PTGES: variants seen among roughly 807,000 people sequenced by gnomAD.
PTGES encodes the protein prostaglandin E synthase.
Under a neutral mutation model 11.8 loss-of-function variants are expected in PTGES, and 3 were observed. The observed-to-expected ratio is 0.25, with a 90% CI of 0.12 to 0.66. The LOEUF is 0.66. Among genes scored for constraint, PTGES ranks in the 30% least tolerant of loss-of-function variants. The pLI, the probability that PTGES is intolerant of heterozygous loss-of-function variation, is 0.82. For synonymous variants in PTGES, 94 were observed against 90.4 expected (o/e 1.04, Z -0.22); for missense variants, 180 against 213.0 (o/e 0.85, Z 0.96).
intron 2 of PTGES, among the ~76,000 whole-genome samples, chr9:129,747,883 G>A (rs1469061150): frequency 1.3e-5 from 2 of 151,686 alleles, no homozygotes; most frequent in Non-Finnish European, 2.9e-5. Flanking sequence ...GATGGTGCAC[G>A]CCTGTAGCCC....
chr9:129,739,185 AT>A lies in PTGES; in HGVS notation c.*425del. ...TTGCCTCTAGATTGGCTGGGCCAGA[AT>A]TTCTGGGGTCAGTCTGAAAAGTCTG... On this transcript the variant is annotated 3_prime_UTR_variant, in exon 3 of 3. Coordinates refer to ENST00000340607, the MANE Select transcript of PTGES (RefSeq NM_004878.5). The surrounding 1 kb of genome is among the most constrained non-coding windows in gnomAD (Gnocchi z 5.7). 6.0e-6 allele frequency: 1 copy of A among 165,386 alleles called. No individual in the cohort carries two copies. The highest frequency in any genetic ancestry group is 1.3e-5 in the Non-Finnish European group (1 of 76,382). The allele number at this position is 165,386 out of a possible 1,614,324, so 10.2% of individuals were successfully genotyped here.
Position 129,739,433 on chromosome 9 carries a change from TAC to T in PTGES, c.*176_*177del. 10 of 828,238 alleles carry T rather than the reference TAC, an allele frequency of 1.2e-5. No homozygotes were observed. Among genetic ancestry groups the T allele is most frequent in the South Asian group, 1.8e-5 (1 of 54,990 alleles). 51.3% of individuals were successfully genotyped at this position (828,238 alleles called of 1,614,324 possible). On this transcript the variant is annotated 3_prime_UTR_variant, in exon 3 of 3. Coordinates refer to ENST00000340607, the MANE Select transcript of PTGES (RefSeq NM_004878.5). The surrounding 1 kb of genome is among the most constrained non-coding windows in gnomAD (Gnocchi z 5.7). The stretch of plus-strand genomic sequence containing the variant: ...GGGCTAAGAAACATACACACACACA[TAC>T]ACACACACGGGCACACACACAGGCC...
At position 129,748,187 on chromosome 9, in the gene PTGES, C is replaced by T. The variant is rs114108529; in HGVS notation, c.209+468G>A. On this transcript the variant is annotated intron_variant, in intron 2 of 2. Transcript: ENST00000340607. ...CAGTGAATGCAACTCCTCTGTGAGC[C>T]GATATGGAACAAACTCTGTTGCCAT... 2.1e-3 allele frequency among the ~76,000 whole-genome samples: 293 copies of T among 138,732 alleles called. 2 individuals are homozygous for T. The highest frequency in any genetic ancestry group is 7.7e-3 in the African/African-American group (280 of 36,130). The allele number at this position is 138,732 out of a possible 152,430, so 91.0% of individuals were successfully genotyped here.
At position 129,752,768 on chromosome 9, in the gene PTGES, T is replaced by A; in HGVS notation, c.126+119A>T. On this transcript the variant is annotated intron_variant, in intron 1 of 2. Coordinates refer to ENST00000340607, the MANE Select transcript of PTGES (RefSeq NM_004878.5). ...AGCCCCCCGGCGGGGCTGGAAGAGG[T>A]GCTCACCTCCCAGCCCTGCACACAC... 5 of 1,477,958 alleles carry A rather than the reference T, an allele frequency of 3.4e-6. 1 individual carries two copies. The highest frequency in any genetic ancestry group is 4.8e-4 in the Middle Eastern group (2 of 4,180). 91.6% of individuals were successfully genotyped at this position (1,477,958 alleles called of 1,614,324 possible).
chr9:129,743,165 T>C (rs1169489574), intron 2 of PTGES, among the ~76,000 whole-genome samples: 1 of 151,744 alleles, frequency 6.6e-6, no homozygotes, highest in African/African-American at 2.4e-5. Context: ...GGAGGAGAGG[T>C]GGTCAGGAGC....
intron 2 of PTGES, among the ~76,000 whole-genome samples, chr9:129,743,222 T>C (rs894789460): frequency 1.3e-5 from 2 of 152,172 alleles, no homozygotes; most frequent in African/African-American, 4.8e-5. Context: ...CTCACTCGTC[T>C]GGTCTGTCTC....
intron 2 of PTGES, among the ~76,000 whole-genome samples, 165 bp downstream of exon 2, chr9:129,748,490 T>C (rs1283227628): frequency 6.6e-6 from 1 of 152,220 alleles, no homozygotes; most frequent in Non-Finnish European, 1.5e-5. Context: ...TTTTCCAAAG[T>C]TCATTTGAAA....
chr9:129,749,352 A>AAAAC (rs1276746774), intron 1 of PTGES, among the ~76,000 whole-genome samples: 1 of 152,132 alleles, frequency 6.6e-6, no homozygotes, highest in Non-Finnish European at 1.5e-5. Flanking sequence ...CCCCATCTCT[A>AAAAC]AAACAAACAA....
chr9:129,742,249 T>G (rs1247695610), intron 2 of PTGES, among the ~76,000 whole-genome samples: 1 of 140,164 alleles, frequency 7.1e-6, no homozygotes. Flanking sequence ...CACTTAAACC[T>G]GGGAGGTGGA....
rs996340313 is a variant in PTGES at position 129,739,558 on chromosome 9, C to T, written c.*53G>A. ...AGGAACATCAAGTCCCCAGGTATAG[C>T]CACGGCGGCTCTTGGCCCATGGTCT... is the stretch of plus-strand genomic sequence containing the variant. On this transcript the variant is annotated 3_prime_UTR_variant, in exon 3 of 3. Coordinates refer to ENST00000340607, the MANE Select transcript of PTGES (RefSeq NM_004878.5). The surrounding 1 kb of genome is among the most constrained non-coding windows in gnomAD (Gnocchi z 5.7). The T allele has an allele frequency of 2.0e-6, 3 of 1,526,092 alleles. No homozygotes were observed. The highest frequency in any genetic ancestry group is 2.8e-5 in the African/African-American group (2 of 72,608). The allele number at this position is 1,526,092 out of a possible 1,614,324, so 94.5% of individuals were successfully genotyped here. A position where few individuals can be genotyped will look rare whatever the true frequency, so the allele number is the denominator to read the frequency against.
intron 2 of PTGES, 63 bp downstream of exon 2, chr9:129,748,592 A>G: frequency 7.3e-7 from 1 of 1,362,708 alleles, no homozygotes; most frequent in South Asian, 1.5e-5. Flanking sequence ...CTGTGTGCAG[A>G]AGAAGTTCTG....
Position 129,740,179 on chromosome 9 carries a change from C to T in PTGES, c.210-319G>A, listed in dbSNP as rs532635275. 3.3e-5 allele frequency among the ~76,000 whole-genome samples: 5 copies of T among 152,246 alleles called. No homozygotes were observed. In the South Asian group the frequency reaches 8.3e-4, roughly 25 times the overall value. On this transcript the variant is annotated intron_variant, in intron 2 of 2. Coordinates refer to ENST00000340607, the MANE Select transcript of PTGES (RefSeq NM_004878.5). ...ACCCCACTCCTGCCATACTCTCCCC[C>T]ACCTTCCTCTCTAGCCCTTGGATAC...
In PTGES at chr9:129,745,985, G is replaced by T. The variant is rs966678234; in HGVS notation, c.209+2670C>A. ...GGAGGCAGAGGTTGCAGAGAGCCGA[G>T]ATCGTGCCATTGCATTTCAGCCTGG... is the stretch of plus-strand genomic sequence containing the variant. On this transcript the variant is annotated intron_variant, in intron 2 of 2. Transcript: ENST00000340607. The surrounding 1 kb of genome is among the most constrained non-coding windows in gnomAD (Gnocchi z 4.2). Among the ~76,000 whole-genome samples, 9 of 151,264 alleles carry T rather than the reference G, an allele frequency of 5.9e-5. No individual in the cohort carries two copies. The highest frequency in any genetic ancestry group is 1.7e-4 in the African/African-American group (7 of 41,054).
At chr9:129,743,205 G>C (rs1833016352) in intron 2 of PTGES, among the ~76,000 whole-genome samples, 1 of 152,170 alleles carries the variant, frequency 6.6e-6, no homozygotes. Context: ...GGCTGGCCCA[G>C]CCCTCCCTCA....
Position 129,739,012 on chromosome 9 carries a change from A to G in PTGES, c.*599T>C, listed in dbSNP as rs943781497. On this transcript the variant is annotated 3_prime_UTR_variant, in exon 3 of 3. Coordinates refer to ENST00000340607, the MANE Select transcript of PTGES (RefSeq NM_004878.5). The surrounding 1 kb of genome is among the most constrained non-coding windows in gnomAD (Gnocchi z 5.7). Reference sequence around the variant, plus strand: ...GCTGGGTATGGTGATACGCGCCTGTAATCCCAGCTACTCAGGAGGCTGAGG... The same window carrying G: ...GCTGGGTATGGTGATACGCGCCTGTGATCCCAGCTACTCAGGAGGCTGAGG... 1 of 153,164 alleles carries G rather than the reference A, an allele frequency of 6.5e-6. No individual in the cohort carries two copies. The highest frequency in any genetic ancestry group is 1.5e-5 in the Non-Finnish European group (1 of 68,840). The allele number at this position is 153,164 out of a possible 1,614,324, so 9.5% of individuals were successfully genotyped here. A position where few individuals can be genotyped will look rare whatever the true frequency, so the allele number is the denominator to read the frequency against.
At chr9:129,751,923 C>T (rs1204696343) in intron 1 of PTGES, among the ~76,000 whole-genome samples, 1 of 152,200 alleles carries the variant, frequency 6.6e-6, no homozygotes, top group Non-Finnish European at 1.5e-5. Flanking sequence ...TACTTGATGC[C>T]CGGATCCCAT....
At chr9:129,747,430 G>A (rs1372563766) in intron 2 of PTGES, among the ~76,000 whole-genome samples, 1 of 152,130 alleles carries the variant, frequency 6.6e-6, no homozygotes, top group East Asian at 1.9e-4. Context: ...CGTCTGTAAT[G>A]AGTTCTGATT....
intron 2 of PTGES, among the ~76,000 whole-genome samples, chr9:129,746,952 C>T (rs1833053099): frequency 6.6e-6 from 1 of 152,190 alleles, no homozygotes; most frequent in South Asian, 2.1e-4. Flanking sequence ...TCACTCTATC[C>T]CCCAAGCTGG....
chr9:129,749,250 C>G (rs1018850388), intron 1 of PTGES, among the ~76,000 whole-genome samples: 1 of 151,638 alleles, frequency 6.6e-6, no homozygotes, highest in African/African-American at 2.4e-5. Flanking sequence ...TGTGGTGGCT[C>G]ACGCCTGTGA....
Sources: gnomAD v4.1 joint callset for allele counts (sites outside exome capture counted in the v4.1 genomes callset) on GRCh38, gnomAD v4.1.1 for gene constraint, Gnocchi (gnomAD v3.1) non-coding constraint, MANE v1.5 for transcripts, NCBI Gene and HGNC (gene_info 2026-07-23, HGNC 2026-07-21) for gene names.